RYR3: variants seen among roughly 807,000 people sequenced by gnomAD.
RYR3 encodes brain ryanodine receptor-calcium release channel.
Under a neutral mutation model 584.3 loss-of-function variants are expected in RYR3, and 207 were observed. The ratio of observed to expected loss-of-function variants is 0.35; its 90% confidence interval spans 0.32 to 0.40. The LOEUF (loss-of-function observed/expected upper bound fraction) is 0.40. RYR3 is among the 10% of genes least tolerant of loss of function. RYR3 has a pLI of 1.00. For missense variants in RYR3, 5,616 were observed against 6,089.2 expected, an observed-to-expected ratio of 0.92 and a Z score of 2.59; for synonymous variants, 2,416 against 2,248.5, an observed-to-expected ratio of 1.07 and a Z score of -2.11.
chr15:33,548,093 C>A, intron 8 of RYR3, 37 bp from the exon 9 acceptor site: 3 of 1,496,810 alleles, frequency 2.0e-6, no homozygotes, highest in Non-Finnish European at 2.8e-6. Flanking sequence ...TGATCAGTGT[C>A]ATGCAAGTAG....
At chr15:33,450,087 TA>T (rs10647466) in intron 1 of RYR3, among the ~76,000 whole-genome samples, 114 of 67,314 alleles carry the variant, frequency 1.7e-3, no homozygotes, top group South Asian at 4.6e-3. Context: ...CATTAATACC[TA>T]AAAAAAAAAA....
chr15:33,739,581 T>C (rs894340137), intron 50 of RYR3, among the ~76,000 whole-genome samples: 4 of 133,036 alleles, frequency 3.0e-5, no homozygotes, highest in Non-Finnish European at 4.8e-5. Context: ...TTAGGAGATA[T>C]TGATTTAAGC....
rs1001249104 is a variant in RYR3, at chr15:33,438,360, T to C, written c.52-35059T>C. Reference sequence around the variant, plus strand: ...TGGTAACCACCATTCCACTCATTGCTTCTATGAGCTCCTTTTTAAAAAAAT... The same window carrying C: ...TGGTAACCACCATTCCACTCATTGCCTCTATGAGCTCCTTTTTAAAAAAAT... On this transcript the variant is annotated intron_variant, in intron 1 of 103. Transcript: ENST00000634891. Among the ~76,000 whole-genome samples, 5 of 152,292 alleles carry C rather than the reference T, an allele frequency of 3.3e-5. 1 individual carries two copies. In the South Asian group the frequency reaches 1.0e-3, roughly 32 times the overall value.
At chr15:33,457,664 G>A (rs2047670390) in intron 1 of RYR3, among the ~76,000 whole-genome samples, 1 of 152,212 alleles carries the variant, frequency 6.6e-6, no homozygotes, top group Non-Finnish European at 1.5e-5. Flanking sequence ...CTATGGCACA[G>A]TAGGGTGACT....
At chr15:33,448,507 C>T (rs1036173125) in intron 1 of RYR3, among the ~76,000 whole-genome samples, 4 of 152,182 alleles carry the variant, frequency 2.6e-5, no homozygotes, top group Admixed American at 2.0e-4. Context: ...AAGAGAAAAA[C>T]AAAGGCAAAG....
chr15:33,859,071 G>A (rs7174931), intron 99 of RYR3: 6,029 of 154,262 alleles, frequency 0.039, 387 homozygotes, highest in African/African-American at 0.13. Context: ...TGCTCAGGGA[G>A]CCCGTGCCTA....
chr15:33,777,693 C>T (rs2074090583), intron 64 of RYR3, among the ~76,000 whole-genome samples: 1 of 151,784 alleles, frequency 6.6e-6, no homozygotes, highest in African/African-American at 2.4e-5. Context: ...GACTTAGCAA[C>T]AGCCTTTTAC....
At chr15:33,853,828 G>A (rs184587642) in intron 96 of RYR3, 146 bp downstream of exon 96, 1 of 984,430 alleles carries the variant, frequency 1.0e-6, no homozygotes, top group Non-Finnish European at 1.4e-6. Context: ...CACTGGGAGA[G>A]CACTGCCTTA....
At position 33,618,590 on chromosome 15, in the gene RYR3, G is replaced by C. The variant is rs552812603; in HGVS notation, c.2357+5215G>C. On this transcript the variant is annotated intron_variant, in intron 19 of 103. Coordinates refer to ENST00000634891, the MANE Select transcript of RYR3 (RefSeq NM_001036.6). Reference sequence around the variant, plus strand: ...GATGCAATTATGAATCGTGACTTACGAGTCAAATTCAGGTCAGCAAAAGCT... The same window carrying C: ...GATGCAATTATGAATCGTGACTTACCAGTCAAATTCAGGTCAGCAAAAGCT... Among the ~76,000 whole-genome samples the C allele has an allele frequency of 3.3e-5, 5 of 152,158 alleles. 1 individual carries two copies. In the South Asian group the frequency reaches 1.0e-3, roughly 32 times the overall value.
chr15:33,547,900 C>G, intron 8 of RYR3, among the ~76,000 whole-genome samples: 1 of 152,128 alleles, frequency 6.6e-6, no homozygotes, highest in Non-Finnish European at 1.5e-5. Context: ...TGCATAAATG[C>G]CCATGATATG....
At chr15:33,508,405 T>C (rs1296554381) in intron 3 of RYR3, among the ~76,000 whole-genome samples, 1 of 152,074 alleles carries the variant, frequency 6.6e-6, no homozygotes, top group East Asian at 1.9e-4. Context: ...ATCCCAGCAC[T>C]CTGGGAGGCT....
chr15:33,562,446 A>G (rs542149393), intron 10 of RYR3, among the ~76,000 whole-genome samples: 1 of 152,336 alleles, frequency 6.6e-6, no homozygotes, highest in Non-Finnish European at 1.5e-5. Flanking sequence ...TAACCATTAC[A>G]ATTATGGAAG....
intron 72 of RYR3, among the ~76,000 whole-genome samples, chr15:33,811,331 C>G (rs1431392516): frequency 6.6e-6 from 1 of 151,898 alleles, no homozygotes; most frequent in Non-Finnish European, 1.5e-5. Flanking sequence ...CGGTGAAACC[C>G]CGTCTGTACT....
chr15:33,357,110 G>A (rs1211540602), intron 1 of RYR3, among the ~76,000 whole-genome samples: 1 of 152,046 alleles, frequency 6.6e-6, no homozygotes, highest in East Asian at 1.9e-4. Flanking sequence ...CACGTGGCCT[G>A]GTCCTGGACA....
In RYR3 at chr15:33,821,261, TC is replaced by T. The variant is rs753142811; in HGVS notation, c.10816-3del. On this transcript the variant is annotated splice_region_variant and splice_polypyrimidine_tract_variant and intron_variant, in intron 78 of 103. Coordinates refer to ENST00000634891, the MANE Select transcript of RYR3 (RefSeq NM_001036.6). Reference sequence around the variant, plus strand: ...ACCAATCTTTCCCTGTGATTTTTTTTCCCCCCAGGAGAAAGAGATGGAGAAG... The same window carrying T: ...ACCAATCTTTCCCTGTGATTTTTTTTCCCCCAGGAGAAAGAGATGGAGAAG... The T allele has an allele frequency of 6.4e-7, 1 of 1,562,504 alleles. No homozygotes were observed. Among genetic ancestry groups the T allele is most frequent in the Non-Finnish European group, 8.7e-7 (1 of 1,156,030 alleles).
chr15:33,503,859 A>G (rs2052226596), intron 3 of RYR3, 121 bp downstream of exon 3: 2 of 645,450 alleles, frequency 3.1e-6, no homozygotes, highest in Admixed American at 2.6e-5. Context: ...ATTCATATGG[A>G]GATAGTAAAT....
intron 1 of RYR3, among the ~76,000 whole-genome samples, chr15:33,364,696 G>A (rs950211576): frequency 6.6e-6 from 1 of 152,168 alleles, no homozygotes; most frequent in Non-Finnish European, 1.5e-5. Flanking sequence ...TGTCCAACAA[G>A]GAAGACCCAG....
intron 27 of RYR3, among the ~76,000 whole-genome samples, chr15:33,637,521 A>G (rs1012029162): frequency 3.9e-5 from 6 of 152,164 alleles, no homozygotes; most frequent in African/African-American, 1.4e-4. Context: ...ATCTTAGTTG[A>G]CTTTATTTAT....
intron 43 of RYR3, among the ~76,000 whole-genome samples, chr15:33,713,439 G>T (rs2067262562): frequency 6.6e-6 from 1 of 151,920 alleles, no homozygotes; most frequent in East Asian, 1.9e-4. Flanking sequence ...GATGGGATAT[G>T]ATGGTTGGGT....
Sources: gnomAD v4.1 joint callset for allele counts (sites outside exome capture counted in the v4.1 genomes callset) on GRCh38, gnomAD v4.1.1 for gene constraint, MANE v1.5 for transcripts, NCBI Gene and HGNC (gene_info 2026-07-23, HGNC 2026-07-21) for gene names.